The following CCDC184 variants were observed in gnomAD, a reference collection of about 807,000 sequenced individuals.
The protein encoded by CCDC184 is coiled-coil domain containing 184.
A neutral mutation model predicts 10.4 loss-of-function variants in CCDC184; 11 were observed. The observed-to-expected ratio is 1.06, with a 90% confidence interval of 0.67 to 1.75. CCDC184 has a LOEUF of 1.75. Among genes scored for constraint, CCDC184 ranks in the 40% most tolerant of loss-of-function variants. CCDC184 has a pLI of 0.00. For missense variants in CCDC184, 264 were observed against 267.9 expected (o/e 0.99, Z 0.10); for synonymous variants, 102 against 116.1 (o/e 0.88, Z 0.78).
chr12:48,184,997 C>G lies in CCDC184; in HGVS notation c.*290C>G. The G allele has an allele frequency of 2.6e-6, 1 of 382,460 alleles. No homozygotes were observed. Among genetic ancestry groups the G allele is most frequent in the Admixed American group, 4.2e-5 (1 of 24,058 alleles). The allele number at this position is 382,460 out of a possible 1,614,324, so 23.7% of individuals were successfully genotyped here. On this transcript the variant is annotated 3_prime_UTR_variant, in exon 1 of 1. Coordinates refer to ENST00000316554, the MANE Select transcript of CCDC184 (RefSeq NM_001013635.4). ...ATCCATCCCTATCCTGTCCTTTCCC[C>G]CTTCCCAGACAACAGGAGAACCCGT... is the stretch of plus-strand genomic sequence containing the variant.
Position 48,184,656 on chromosome 12 carries a change from C to T in CCDC184, c.534C>T (p.Leu178=), listed in dbSNP as rs1456539156. The T allele has an allele frequency of 5.0e-6, 8 of 1,597,118 alleles. No homozygotes were observed. Among genetic ancestry groups the T allele is most frequent in the Non-Finnish European group, 1.7e-6 (2 of 1,172,350 alleles). The change falls in exon 1 of 1, where the codon CTC becomes CTT. Residue 178 remains leucine, a synonymous_variant. Coordinates refer to ENST00000316554, the MANE Select transcript of CCDC184 (RefSeq NM_001013635.4). The part of the protein sequence containing the change: ...LGGDGPLVEP[L]DMPDITLLQL... ...GGGACGGGCCACTTGTGGAGCCCCT[C>T]GACATGCCCGACATTACCCTGCTGC...
At position 48,184,338 on chromosome 12, in the gene CCDC184, C is replaced by T; in HGVS notation, c.216C>T (p.Ile72=). ...CCCTGGACGAGCAGGCCTCGCACAT[C>T]CAGGTGCTCTCGGACGACGTGTGCG... ...RGALDEQASH[I]QVLSDDVCAN... Residue 72 remains isoleucine, a synonymous_variant, in exon 1 of 1, where the codon ATC becomes ATT. Transcript: ENST00000316554. 6.2e-7 allele frequency: 1 copy of T among 1,614,102 alleles called. No homozygotes were observed. Among genetic ancestry groups the T allele is most frequent in the South Asian group, 1.1e-5 (1 of 91,084 alleles).
In CCDC184 at chr12:48,184,165, G is replaced by A; in HGVS notation, c.43G>A (p.Asp15Asn). The change falls in exon 1 of 1, where the codon GAC becomes AAC. Residue 15 changes from aspartate to asparagine, a missense_variant. By Grantham distance (23) the Asp-to-Asn change is conservative. Transcript: ENST00000316554. ...GGAGATCATGACCAAGGACGGCGGC[G>A]ACATGCCGGCGCCCCTGGAGGTGTC... ...LLEIMTKDGGDMPAPLEVSTV... is the reference protein window; with the variant it reads ...LLEIMTKDGGNMPAPLEVSTV... The A allele has an allele frequency of 6.2e-7, 1 of 1,613,956 alleles. No individual in the cohort carries two copies. The highest frequency in any genetic ancestry group is 8.5e-7 in the Non-Finnish European group (1 of 1,179,968).
Position 48,184,724 on chromosome 12 carries a change from A to C in CCDC184, c.*17A>C. 6.4e-7 allele frequency: 1 copy of C among 1,571,688 alleles called. No individual in the cohort carries two copies. Among genetic ancestry groups the C allele is most frequent in the South Asian group, 1.1e-5 (1 of 87,028 alleles). On this transcript the variant is annotated 3_prime_UTR_variant, in exon 1 of 1. Transcript: ENST00000316554. ...TCCCTGTGAGGGGACTCCGTGGGGC[A>C]CTACCTTCCCGGGCTGTCTTTGGGT...
Position 48,184,651 on chromosome 12 carries a change from C to G in CCDC184, c.529C>G (p.Pro177Ala), listed in dbSNP as rs761723323. 2 of 1,593,778 alleles carry G rather than the reference C, an allele frequency of 1.3e-6. No individual in the cohort carries two copies. The highest frequency in any genetic ancestry group is 1.3e-5 in the African/African-American group (1 of 74,672). ...LLGGDGPLVE[P>A]LDMPDITLLQ... ...TGGGGGGGACGGGCCACTTGTGGAGCCCCTCGACATGCCCGACATTACCCT... is the reference window on the plus strand; with the variant it reads ...TGGGGGGGACGGGCCACTTGTGGAGGCCCTCGACATGCCCGACATTACCCT... Residue 177 changes from proline (P) to alanine (A), a missense_variant, in exon 1 of 1, where the codon CCC becomes GCC. By Grantham distance (27) the Pro-to-Ala change is conservative. Transcript: ENST00000316554.
rs1337376602 is a variant in CCDC184, at chr12:48,183,674, G to C, written c.-449G>C. On this transcript the variant is annotated 5_prime_UTR_variant, in exon 1 of 1. Coordinates refer to ENST00000316554, the MANE Select transcript of CCDC184 (RefSeq NM_001013635.4). ...AGCTGCTGCTGCCACACTCGCGGGC[G>C]CTGCCCGGTAATGGCCTGGGGGAGT... 2 of 165,230 alleles carry C rather than the reference G, an allele frequency of 1.2e-5. No individual in the cohort carries two copies. The highest frequency in any genetic ancestry group is 2.6e-5 in the Non-Finnish European group (2 of 77,350). The allele number at this position is 165,230 out of a possible 1,614,324, so 10.2% of individuals were successfully genotyped here. A position where few individuals can be genotyped will look rare whatever the true frequency, so the allele number is the denominator to read the frequency against.
Position 48,183,996 on chromosome 12 carries a change from C to A in CCDC184, c.-127C>A. 1.5e-6 allele frequency: 1 copy of A among 658,104 alleles called. No individual in the cohort carries two copies. Among genetic ancestry groups the A allele is most frequent in the South Asian group, 1.9e-5 (1 of 51,800 alleles). The allele number at this position is 658,104 out of a possible 1,614,324, so 40.8% of individuals were successfully genotyped here. A position where few individuals can be genotyped will look rare whatever the true frequency, so the allele number is the denominator to read the frequency against. On this transcript the variant is annotated 5_prime_UTR_variant, in exon 1 of 1. Transcript: ENST00000316554. ...TCTCACGTCGGCTCCCCGCCAGTCT[C>A]GGGAGCCTCCGCTTCCCTCGGCTCC...
In CCDC184 at chr12:48,184,628, G is replaced by T. The variant is rs759097956; in HGVS notation, c.506G>T (p.Gly169Val). Residue 169 changes from glycine (G) to valine (V), a missense_variant, in exon 1 of 1, where the codon GGG becomes GTG. Physicochemically the swap from Gly to Val is moderately radical, Grantham distance 109. Coordinates refer to ENST00000316554, the MANE Select transcript of CCDC184 (RefSeq NM_001013635.4). ...RPESPCAGLL[G>V]GDGPLVEPLD... ...GAAAGCCCCTGTGCTGGTCTCCTTG[G>T]GGGGGACGGGCCACTTGTGGAGCCC... is the stretch of plus-strand genomic sequence containing the variant. 9 of 1,580,352 alleles carry T rather than the reference G, an allele frequency of 5.7e-6. No homozygotes were observed. The highest frequency in any genetic ancestry group is 2.3e-5 in the South Asian group (2 of 86,768).
chr12:48,184,182 G>A lies in CCDC184; in HGVS notation c.60G>A (p.Leu20=). 1 of 1,614,082 alleles carries A rather than the reference G, an allele frequency of 6.2e-7. No homozygotes were observed. Among genetic ancestry groups the A allele is most frequent in the Non-Finnish European group, 8.5e-7 (1 of 1,180,020 alleles). ...TKDGGDMPAP[L]EVSTVPAVGD... is the part of the protein sequence containing the mutation. ...ACGGCGGCGACATGCCGGCGCCCCT[G>A]GAGGTGTCCACCGTGCCGGCAGTGG... The change falls in exon 1 of 1, where the codon CTG becomes CTA. Residue 20 remains leucine, a synonymous_variant. Coordinates refer to ENST00000316554, the MANE Select transcript of CCDC184 (RefSeq NM_001013635.4).
Position 48,184,148 on chromosome 12 carries a change from T to C in CCDC184, c.26T>C (p.Met9Thr), listed in dbSNP as rs1951485544. The C allele has an allele frequency of 6.3e-7, 1 of 1,578,112 alleles. No individual in the cohort carries two copies. The highest frequency in any genetic ancestry group is 2.4e-5 in the East Asian group (1 of 42,452). The part of the protein sequence containing the change: MEDGLLEI[M>T]TKDGGDMPAP... The stretch of plus-strand genomic sequence containing the variant: ...ATGGAGGACGGTCTGCTGGAGATCA[T>C]GACCAAGGACGGCGGCGACATGCCG... Residue 9 changes from methionine to threonine, a missense_variant, in exon 1 of 1, where the codon ATG becomes ACG. Physicochemically the swap from Met to Thr is moderately conservative, Grantham distance 81. Transcript: ENST00000316554.
chr12:48,185,291 G>T lies in CCDC184; in HGVS notation c.*584G>T. 1 of 167,326 alleles carries T rather than the reference G, an allele frequency of 6.0e-6. No individual in the cohort carries two copies. 10.4% of individuals were successfully genotyped at this position (167,326 alleles called of 1,614,324 possible). A position where few individuals can be genotyped will look rare whatever the true frequency, so the allele number is the denominator to read the frequency against. The stretch of plus-strand genomic sequence containing the variant: ...GGAATCTGGGTGAATGGGGTTCCAA[G>T]GGCCCCTGGGCTGGGAGGAGCTGGC... On this transcript the variant is annotated 3_prime_UTR_variant, in exon 1 of 1. Transcript: ENST00000316554.
chr12:48,183,972 C>A lies in CCDC184; in HGVS notation c.-151C>A, dbSNP rs1951483512. On this transcript the variant is annotated 5_prime_UTR_variant, in exon 1 of 1. Transcript: ENST00000316554. ...TGCGCCCTCTGCCCAGGACTCGTCT[C>A]TCACGTCGGCTCCCCGCCAGTCTCG... The A allele has an allele frequency of 1.1e-5, 7 of 624,212 alleles. No homozygotes were observed. In the East Asian group the frequency reaches 1.9e-4, roughly 17 times the overall value. 38.7% of individuals were successfully genotyped at this position (624,212 alleles called of 1,614,324 possible).
rs542383613 is a variant in CCDC184, at chr12:48,184,086, G to T, written c.-37G>T. ...CCCCACCCCGGAGGCCGGGCTGGAC[G>T]CGACCCAGAGCCTCCGCCACCCGCT... On this transcript the variant is annotated 5_prime_UTR_variant, in exon 1 of 1. Coordinates refer to ENST00000316554, the MANE Select transcript of CCDC184 (RefSeq NM_001013635.4). The T allele has an allele frequency of 4.9e-4, 544 of 1,106,872 alleles. 8 individuals are homozygous for T. The South Asian group carries it at 6.8e-3, about 14-fold the overall frequency. 68.6% of individuals were successfully genotyped at this position (1,106,872 alleles called of 1,614,324 possible).
At position 48,184,484 on chromosome 12, in the gene CCDC184, C is replaced by A. The variant is rs1292308216; in HGVS notation, c.362C>A (p.Pro121His). The change falls in exon 1 of 1, where the codon CCT becomes CAT. Residue 121 changes from proline to histidine, a missense_variant. Coordinates refer to ENST00000316554, the MANE Select transcript of CCDC184 (RefSeq NM_001013635.4). ...AGCGACCCCCAAGAGCCGGAGACTCCTTCGCCTGGGATCGGGGACAGCGGC... is the reference window on the plus strand; with the variant it reads ...AGCGACCCCCAAGAGCCGGAGACTCATTCGCCTGGGATCGGGGACAGCGGC... ...FQSDPQEPETPSPGIGDSGLL... is the reference protein window; with the variant it reads ...FQSDPQEPETHSPGIGDSGLL... The A allele has an allele frequency of 6.2e-7, 1 of 1,602,488 alleles. No individual in the cohort carries two copies. The highest frequency in any genetic ancestry group is 8.5e-7 in the Non-Finnish European group (1 of 1,178,752).
Position 48,184,498 on chromosome 12 carries a change from G to A in CCDC184, c.376G>A (p.Gly126Arg), listed in dbSNP as rs770417787. Reference sequence around the variant, plus strand: ...GCCGGAGACTCCTTCGCCTGGGATCGGGGACAGCGGCTTGCTGGGTCGCGA... The same window carrying A: ...GCCGGAGACTCCTTCGCCTGGGATCAGGGACAGCGGCTTGCTGGGTCGCGA... The part of the protein sequence containing the change: ...QEPETPSPGI[G>R]DSGLLGRDPE... The change falls in exon 1 of 1, where the codon GGG becomes AGG. Residue 126 changes from glycine to arginine, a missense_variant. By Grantham distance (125) the Gly-to-Arg change is moderately radical. Transcript: ENST00000316554. 5.6e-6 allele frequency: 9 copies of A among 1,598,576 alleles called. No individual in the cohort carries two copies. The highest frequency in any genetic ancestry group is 1.7e-5 in the Admixed American group (1 of 58,782).
rs754780330 is a variant in CCDC184 at position 48,184,356 on chromosome 12, C to T, written c.234C>T (p.Asp78=). ...CGCACATCCAGGTGCTCTCGGACGACGTGTGCGCCAACCAGCGAGCCATCG... is the reference window on the plus strand; with the variant it reads ...CGCACATCCAGGTGCTCTCGGACGATGTGTGCGCCAACCAGCGAGCCATCG... ...QASHIQVLSD[D]VCANQRAIVS... is the part of the protein sequence containing the mutation. Residue 78 remains aspartate (D), a synonymous_variant, in exon 1 of 1, where the codon GAC becomes GAT. Coordinates refer to ENST00000316554, the MANE Select transcript of CCDC184 (RefSeq NM_001013635.4). 2 of 1,613,948 alleles carry T rather than the reference C, an allele frequency of 1.2e-6. No individual in the cohort carries two copies. The highest frequency in any genetic ancestry group is 4.5e-5 in the East Asian group (2 of 44,874).
Position 48,184,395 on chromosome 12 carries a change from G to A in CCDC184, c.273G>A (p.Gln91=). The part of the protein sequence containing the change: ...ANQRAIVSMC[Q]IMTTAPRQGG... The stretch of plus-strand genomic sequence containing the variant: ...AGCGAGCCATCGTCTCCATGTGCCA[G>A]ATTATGACCACTGCGCCCCGCCAGG... The change falls in exon 1 of 1, where the codon CAG becomes CAA. Residue 91 remains glutamine, a synonymous_variant. Coordinates refer to ENST00000316554, the MANE Select transcript of CCDC184 (RefSeq NM_001013635.4). The A allele has an allele frequency of 6.2e-7, 1 of 1,613,262 alleles. No individual in the cohort carries two copies. The highest frequency in any genetic ancestry group is 8.5e-7 in the Non-Finnish European group (1 of 1,179,988).
Position 48,184,838 on chromosome 12 carries a change from A to C in CCDC184, c.*131A>C. 3 of 687,572 alleles carry C rather than the reference A, an allele frequency of 4.4e-6. No homozygotes were observed. The highest frequency in any genetic ancestry group is 7.3e-6 in the Non-Finnish European group (3 of 408,620). 42.6% of individuals were successfully genotyped at this position (687,572 alleles called of 1,614,324 possible). A position where few individuals can be genotyped will look rare whatever the true frequency, so the allele number is the denominator to read the frequency against. ...GCTCTTGTGGGTCAGGCAGAGAGAG[A>C]CTCCCTCGAGGAAGGATTTGTAGGG... On this transcript the variant is annotated 3_prime_UTR_variant, in exon 1 of 1. Coordinates refer to ENST00000316554, the MANE Select transcript of CCDC184 (RefSeq NM_001013635.4).
Position 48,184,404 on chromosome 12 carries a change from C to T in CCDC184, c.282C>T (p.Thr94=). 9.9e-6 allele frequency: 16 copies of T among 1,612,720 alleles called. No individual in the cohort carries two copies. Among genetic ancestry groups the T allele is most frequent in the Non-Finnish European group, 1.4e-5 (16 of 1,179,970 alleles). The part of the protein sequence containing the change: ...RAIVSMCQIM[T]TAPRQGGLGV... ...TCGTCTCCATGTGCCAGATTATGACCACTGCGCCCCGCCAGGGCGGCTTGG... is the reference window on the plus strand; with the variant it reads ...TCGTCTCCATGTGCCAGATTATGACTACTGCGCCCCGCCAGGGCGGCTTGG... Residue 94 remains threonine (T), a synonymous_variant, in exon 1 of 1, where the codon ACC becomes ACT. Coordinates refer to ENST00000316554, the MANE Select transcript of CCDC184 (RefSeq NM_001013635.4).
Sources: allele counts gnomAD v4.1 joint callset, GRCh38; gene constraint gnomAD v4.1.1; transcripts MANE v1.5; gene names NCBI Gene and HGNC (gene_info 2026-07-23, HGNC 2026-07-21).